ISM1: variants seen among roughly 807,000 people sequenced by gnomAD.
ISM1 encodes isthmin 1, also known as isthmin-1.
ISM1 carries 25 observed loss-of-function variants against 46.3 expected under a neutral mutation model. That is an observed-to-expected ratio of 0.54 (90% CI 0.39 to 0.75). The LOEUF (loss-of-function observed/expected upper bound fraction) is 0.75, where lower values mean the gene tolerates loss of function less well. ISM1 is among the 30% of genes least tolerant of loss of function. ISM1 has a pLI of 0.00. For missense variants in ISM1, 536 were observed against 625.4 expected (o/e 0.86, Z 1.52); for synonymous variants, 255 against 256.7 (o/e 0.99, Z 0.06).
At chr20:13,228,066 G>A (rs1256188005) in intron 1 of ISM1, among the ~76,000 whole-genome samples, 4 of 147,074 alleles carry the variant, frequency 2.7e-5, no homozygotes, top group Admixed American at 2.0e-4. Context: ...TCCCTCTCCC[G>A]GGTTCAAGCG....
chr20:13,234,694 T>C (rs2039628031), intron 1 of ISM1, among the ~76,000 whole-genome samples: 1 of 152,232 alleles, frequency 6.6e-6, no homozygotes, highest in South Asian at 2.1e-4. Context: ...TTTTTATTTC[T>C]CTGATAATTA....
Position 13,292,513 on chromosome 20 carries a change from A to G in ISM1, c.877+50A>G, listed in dbSNP as rs370456256. ...CAAATATTGACTTAGTGCCTCGGAG[A>G]TTCCTTTTGCTTTTGCAATGCCATC... On this transcript the variant is annotated intron_variant, in intron 5 of 5. Coordinates refer to ENST00000262487, the MANE Select transcript of ISM1 (RefSeq NM_080826.2). 199 of 1,203,976 alleles carry G rather than the reference A, an allele frequency of 1.7e-4. 1 individual carries two copies. In the Middle Eastern group the frequency reaches 2.5e-3, roughly 15 times the overall value. 74.6% of individuals were successfully genotyped at this position (1,203,976 alleles called of 1,614,324 possible).
intron 2 of ISM1, among the ~76,000 whole-genome samples, chr20:13,274,516 A>G (rs1417902510): frequency 6.6e-6 from 1 of 152,082 alleles, no homozygotes; most frequent in East Asian, 1.9e-4. Flanking sequence ...CTGAATGGGA[A>G]CTTGATACCC....
chr20:13,283,865 G>A (rs2040264026), intron 3 of ISM1, among the ~76,000 whole-genome samples: 2 of 152,030 alleles, frequency 1.3e-5, no homozygotes, highest in South Asian at 2.1e-4. Context: ...TTTTTTTTCA[G>A]TGGTTTTCCT....
Position 13,299,601 on chromosome 20 carries a change from C to G in ISM1, c.*142C>G. ...CCACATGAGTATTTCTCATACATTA[C>G]GCTAGGGGCGTGTGCCACGCCCAGG... On this transcript the variant is annotated 3_prime_UTR_variant, in exon 6 of 6. Coordinates refer to ENST00000262487, the MANE Select transcript of ISM1 (RefSeq NM_080826.2). The surrounding 1 kb of genome is among the most constrained non-coding windows in gnomAD (Gnocchi z 5.8). The G allele has an allele frequency of 1.2e-6, 1 of 823,144 alleles. No homozygotes were observed. The highest frequency in any genetic ancestry group is 1.9e-6 in the Non-Finnish European group (1 of 534,644). 51.0% of individuals were successfully genotyped at this position (823,144 alleles called of 1,614,324 possible).
intron 2 of ISM1, among the ~76,000 whole-genome samples, chr20:13,277,820 A>T (rs2040197446): frequency 6.6e-6 from 1 of 151,714 alleles, no homozygotes; most frequent in Non-Finnish European, 1.5e-5. Context: ...GCCTGAGTAG[A>T]CTCTGGGGTT....
intron 1 of ISM1, among the ~76,000 whole-genome samples, chr20:13,256,536 G>GGGGATCAT (rs2039931695): frequency 6.6e-6 from 1 of 152,152 alleles, no homozygotes; most frequent in Non-Finnish European, 1.5e-5. Context: ...TATTTTAATA[G>GGGGATCAT]GGGATCATGG....
intron 2 of ISM1, among the ~76,000 whole-genome samples, chr20:13,273,973 T>C (rs2040144578): frequency 6.6e-6 from 1 of 152,094 alleles, no homozygotes; most frequent in Admixed American, 6.5e-5. Context: ...CCACAAAATG[T>C]TAGTATTGGT....
chr20:13,269,541 G>C (rs1281158003), intron 1 of ISM1, among the ~76,000 whole-genome samples: 1 of 152,156 alleles, frequency 6.6e-6, no homozygotes, highest in Non-Finnish European at 1.5e-5. Context: ...TGGCCATTCT[G>C]TTTCTCAAAC....
chr20:13,247,524 GT>G (rs1568669276), intron 1 of ISM1, among the ~76,000 whole-genome samples: 54 of 117,496 alleles, frequency 4.6e-4, no homozygotes, highest in Non-Finnish European at 6.0e-5. Flanking sequence ...AGGGGTGTGT[GT>G]GTGTGTGTGT....
At chr20:13,246,718 C>A (rs1021334975) in intron 1 of ISM1, among the ~76,000 whole-genome samples, 7 of 152,202 alleles carry the variant, frequency 4.6e-5, no homozygotes, top group Admixed American at 4.6e-4. Flanking sequence ...TTGTCCAATC[C>A]CCCAGTGCCC....
chr20:13,226,318 A>G (rs1030199897), intron 1 of ISM1, among the ~76,000 whole-genome samples: 1 of 152,160 alleles, frequency 6.6e-6, no homozygotes, highest in Non-Finnish European at 1.5e-5. Flanking sequence ...AGCATAATTT[A>G]TCTGTACTTA....
intron 3 of ISM1, among the ~76,000 whole-genome samples, chr20:13,285,128 T>A (rs940227286): frequency 1.3e-5 from 2 of 152,010 alleles, no homozygotes; most frequent in African/African-American, 2.4e-5. Context: ...CTCTATAAAA[T>A]TTTTTTGAAA....
chr20:13,228,281 C>T (rs1180704558), intron 1 of ISM1, among the ~76,000 whole-genome samples: 1 of 152,098 alleles, frequency 6.6e-6, no homozygotes, highest in Non-Finnish European at 1.5e-5. Flanking sequence ...CCTGCTGCTG[C>T]TGCTTCAATC....
chr20:13,277,460 A>C lies in ISM1; in HGVS notation c.379-2174A>C, dbSNP rs1277089833. ...AGAAAGGTTATGTCTCCAAAGGCTC[A>C]GCATCGCCCTGTCACTGCCCAGCTT... is the stretch of plus-strand genomic sequence containing the variant. On this transcript the variant is annotated intron_variant, in intron 2 of 5. Transcript: ENST00000262487. Among the ~76,000 whole-genome samples the C allele has an allele frequency of 2.0e-5, 3 of 152,054 alleles. No homozygotes were observed. The East Asian group carries it at 5.8e-4, about 29-fold the overall frequency.
intron 2 of ISM1, among the ~76,000 whole-genome samples, chr20:13,275,962 G>A (rs1213465929): frequency 6.6e-6 from 1 of 152,208 alleles, no homozygotes; most frequent in Non-Finnish European, 1.5e-5. Flanking sequence ...TTGGCGTGCT[G>A]CAAGTCTCAA....
At chr20:13,225,712 T>G (rs933421342) in intron 1 of ISM1, among the ~76,000 whole-genome samples, 1 of 152,324 alleles carries the variant, frequency 6.6e-6, no homozygotes. Flanking sequence ...TAGTAAGAAA[T>G]GAGAAAACTA....
At chr20:13,317,663 A>G in the ISM1 span, among the ~76,000 whole-genome samples, 28 of 152,148 alleles carry the variant, frequency 1.8e-4, no homozygotes, top group African/African-American at 5.8e-4. Context: ...TTGACCTTTG[A>G]CAAGGGATGA....
chr20:13,277,693 A>G (rs141332157), intron 2 of ISM1, among the ~76,000 whole-genome samples: 10 of 149,698 alleles, frequency 6.7e-5, no homozygotes, highest in Admixed American at 6.6e-4. Context: ...ACAATTATTT[A>G]CAAATATGCA....
Sources: allele counts gnomAD v4.1 joint callset (sites outside exome capture counted in the v4.1 genomes callset), GRCh38; gene constraint gnomAD v4.1.1; non-coding constraint Gnocchi (gnomAD v3.1); transcripts MANE v1.5; gene names NCBI Gene and HGNC (gene_info 2026-07-23, HGNC 2026-07-21).